Variants in FHIT observed in about 807,000 individuals in gnomAD.
The protein encoded by FHIT is fragile histidine triad diadenosine triphosphatase.
FHIT carries 19 observed loss-of-function variants against 17.9 expected under a neutral mutation model. The observed-to-expected ratio is 1.06, with a 90% CI of 0.74 to 1.56. The LOEUF (loss-of-function observed/expected upper bound fraction) is 1.56, where lower values mean the gene tolerates loss of function less well. Among genes scored for constraint, FHIT ranks in the 40% most tolerant of loss-of-function variants. The pLI, the probability that FHIT is intolerant of heterozygous loss-of-function variation, is 0.00. For missense variants in FHIT, 248 were observed against 189.2 expected (o/e 1.31, Z -1.82); for synonymous variants, 81 against 69.7 (o/e 1.16, Z -0.81).
chr3:61,098,242 G>A (rs956017108), intron 2 of FHIT, among the ~76,000 whole-genome samples: 18 of 151,998 alleles, frequency 1.2e-4, no homozygotes, highest in South Asian at 4.1e-4. Context: ...CAGGTTTATC[G>A]AAGATCAGAT....
chr3:59,879,194 C>T (rs1703295589), intron 8 of FHIT, among the ~76,000 whole-genome samples: 1 of 152,122 alleles, frequency 6.6e-6, no homozygotes, highest in African/African-American at 2.4e-5. Flanking sequence ...TCTTTCTCAT[C>T]TCTCTGTGGT....
chr3:59,865,825 T>C (rs903539830), intron 8 of FHIT, among the ~76,000 whole-genome samples: 1 of 152,132 alleles, frequency 6.6e-6, no homozygotes, highest in Non-Finnish European at 1.5e-5. Flanking sequence ...GGTGTTCAAA[T>C]TGCATTCATC....
At chr3:60,442,524 T>C (rs2030977808) in intron 5 of FHIT, among the ~76,000 whole-genome samples, 1 of 152,216 alleles carries the variant, frequency 6.6e-6, no homozygotes, top group African/African-American at 2.4e-5. Flanking sequence ...ATTTGTTAAA[T>C]AGGGAATCCT....
chr3:59,887,732 A>T (rs930120465), intron 8 of FHIT, among the ~76,000 whole-genome samples: 3 of 152,158 alleles, frequency 2.0e-5, no homozygotes, highest in African/African-American at 7.2e-5. Context: ...CAAGAATCCA[A>T]AGGCATTCAG....
intron 5 of FHIT, among the ~76,000 whole-genome samples, chr3:60,026,890 G>A (rs534578854): frequency 6.6e-6 from 1 of 152,034 alleles, no homozygotes; most frequent in Non-Finnish European, 1.5e-5. Context: ...CTTGAGATCA[G>A]GAGTTTGAGA....
chr3:60,452,315 C>A (rs1031994684), intron 5 of FHIT, among the ~76,000 whole-genome samples: 2 of 152,126 alleles, frequency 1.3e-5, no homozygotes, highest in East Asian at 3.9e-4. Flanking sequence ...ATTTCAGTAT[C>A]AGGAAAACCC....
chr3:61,184,937 A>G (rs1030242787), intron 2 of FHIT, among the ~76,000 whole-genome samples: 1 of 152,202 alleles, frequency 6.6e-6, no homozygotes, highest in African/African-American at 2.4e-5. Flanking sequence ...ACATTTCCCT[A>G]CTGACACAGT....
rs540272839 is a variant in FHIT, at chr3:60,011,366, C to T, written c.279+5G>A. 1 of 1,613,616 alleles carries T rather than the reference C, an allele frequency of 6.2e-7. No homozygotes were observed. Among genetic ancestry groups the T allele is most frequent in the African/African-American group, 1.3e-5 (1 of 75,030 alleles). Reference sequence around the variant, plus strand: ...TTAATTTGTATGCACATAATAAGCACTCACCTTCACAGTCTGTCCGGCTTC... The same window carrying T: ...TTAATTTGTATGCACATAATAAGCATTCACCTTCACAGTCTGTCCGGCTTC... On this transcript the variant is annotated splice_donor_5th_base_variant and intron_variant, in intron 7 of 9. Coordinates refer to ENST00000492590, the MANE Select transcript of FHIT (RefSeq NM_002012.4).
chr3:60,390,760 TA>T (rs1298343883), intron 5 of FHIT, among the ~76,000 whole-genome samples: 6 of 151,716 alleles, frequency 4.0e-5, no homozygotes, highest in East Asian at 1.9e-4. Context: ...TATTTAAAAA[TA>T]AAAAAATACA....
intron 9 of FHIT, chr3:59,750,192 T>A (rs116747089): frequency 1.5e-3 from 336 of 226,144 alleles, no homozygotes; most frequent in African/African-American, 6.5e-3. Context: ...GAAATTTGGG[T>A]AATAAGTTTG....
At chr3:60,797,529 T>C (rs180875960) in intron 4 of FHIT, among the ~76,000 whole-genome samples, 1 of 151,810 alleles carries the variant, frequency 6.6e-6, no homozygotes, top group East Asian at 1.9e-4. Flanking sequence ...TTTTCTTTCA[T>C]CAGAATCTGC....
At chr3:59,967,634 T>C (rs1164444067) in intron 7 of FHIT, among the ~76,000 whole-genome samples, 6 of 152,132 alleles carry the variant, frequency 3.9e-5, no homozygotes, top group Non-Finnish European at 8.8e-5. Flanking sequence ...TTCAGAAGGG[T>C]TGGTGGAAGC....
intron 8 of FHIT, among the ~76,000 whole-genome samples, chr3:59,762,350 C>A (rs1701564994): frequency 6.6e-6 from 1 of 152,166 alleles, no homozygotes; most frequent in African/African-American, 2.4e-5. Context: ...TTTCAATAAG[C>A]ATTGGTCAAA....
At chr3:60,403,764 C>G (rs1701751080) in intron 5 of FHIT, among the ~76,000 whole-genome samples, 1 of 152,124 alleles carries the variant, frequency 6.6e-6, no homozygotes, top group Non-Finnish European at 1.5e-5. Flanking sequence ...CTATATGGCT[C>G]TCTGTACTTT....
intron 5 of FHIT, among the ~76,000 whole-genome samples, chr3:60,377,002 T>C (rs1407569112): frequency 1.3e-5 from 2 of 152,204 alleles, no homozygotes; most frequent in Non-Finnish European, 2.9e-5. Context: ...CCATATGTAA[T>C]GTTTATCCTT....
chr3:60,168,057 C>T (rs570065311), intron 5 of FHIT, among the ~76,000 whole-genome samples: 5 of 152,214 alleles, frequency 3.3e-5, no homozygotes, highest in African/African-American at 1.2e-4. Flanking sequence ...AATTTGTTAT[C>T]AACTTGTCCT....
intron 5 of FHIT, among the ~76,000 whole-genome samples, chr3:60,110,291 G>A (rs1312852602): frequency 1.3e-5 from 2 of 152,122 alleles, no homozygotes; most frequent in Admixed American, 6.5e-5. Flanking sequence ...GGGTAAGTGG[G>A]CTCAGAATAA....
chr3:60,782,219 T>TTGTGTGTG (rs538033687), intron 4 of FHIT, among the ~76,000 whole-genome samples: 40 of 144,216 alleles, frequency 2.8e-4, no homozygotes, highest in African/African-American at 9.6e-4. Context: ...GAATATTTCA[T>TTGTGTGTG]TGTGTGTGTG....
intron 7 of FHIT, among the ~76,000 whole-genome samples, chr3:59,932,620 C>T (rs1333270083): frequency 2.6e-5 from 4 of 152,048 alleles, no homozygotes; most frequent in African/African-American, 9.7e-5. Flanking sequence ...CTTTTGGGGG[C>T]AAAGTAATCA....
Sources: allele counts gnomAD v4.1 joint callset (sites outside exome capture counted in the v4.1 genomes callset), GRCh38; gene constraint gnomAD v4.1.1; transcripts MANE v1.5; gene names NCBI Gene and HGNC (gene_info 2026-07-23, HGNC 2026-07-21).